The following FSTL4 variants were observed in gnomAD, a reference collection of about 807,000 sequenced individuals.
FSTL4 encodes the protein follistatin-related protein 4.
FSTL4 carries 28 observed loss-of-function variants against 78.2 expected under a neutral mutation model. The ratio of observed to expected loss-of-function variants is 0.36; its 90% CI spans 0.27 to 0.49. The LOEUF is 0.49. Among genes scored for constraint, FSTL4 ranks in the 20% least tolerant of loss-of-function variants. FSTL4 has a pLI of 0.98. For missense variants in FSTL4, 922 were observed against 1,084.9 expected (o/e 0.85, Z 2.11); for synonymous variants, 422 against 440.5 (o/e 0.96, Z 0.53).
chr5:133,674,220 T>A, the FSTL4 span, among the ~76,000 whole-genome samples: 1 of 152,188 alleles, frequency 6.6e-6, no homozygotes, highest in Non-Finnish European at 1.5e-5. Flanking sequence ...TCATTCCCAA[T>A]GATCTGGGTG....
intron 4 of FSTL4, among the ~76,000 whole-genome samples, chr5:133,369,782 ACTG>A (rs1755252408): frequency 6.6e-6 from 1 of 152,156 alleles, no homozygotes; most frequent in Admixed American, 6.5e-5. Context: ...CATTTGATTT[ACTG>A]GGTGGGTTCT....
chr5:133,770,200 G>GT, the FSTL4 span, among the ~76,000 whole-genome samples: 2 of 152,090 alleles, frequency 1.3e-5, no homozygotes, highest in African/African-American at 4.8e-5. Context: ...AAACATATGA[G>GT]TGCAGGTATC....
chr5:133,235,499 C>CAAAAAAAA (rs71581361), intron 7 of FSTL4, among the ~76,000 whole-genome samples: 1 of 97,552 alleles, frequency 1.0e-5, no homozygotes, highest in Non-Finnish European at 2.2e-5. Context: ...ACCCCACCTC[C>CAAAAAAAA]AAAAAAAAAA....
chr5:133,425,799 T>A (rs1373679255), intron 3 of FSTL4, among the ~76,000 whole-genome samples: 1 of 152,252 alleles, frequency 6.6e-6, no homozygotes, highest in East Asian at 1.9e-4. Context: ...TCAAAGCTTA[T>A]GATCCAGTTT....
chr5:133,204,899 C>CT (rs1008544108), intron 14 of FSTL4, among the ~76,000 whole-genome samples: 2 of 151,372 alleles, frequency 1.3e-5, no homozygotes, highest in African/African-American at 4.9e-5. Flanking sequence ...ACCACAAAGA[C>CT]TATGCCAGTT....
chr5:133,563,208 G>A (rs539603907), intron 3 of FSTL4, among the ~76,000 whole-genome samples: 2 of 152,222 alleles, frequency 1.3e-5, no homozygotes, highest in South Asian at 4.2e-4. Context: ...TATCAGTCTC[G>A]TAGTCCTGCC....
the FSTL4 span, among the ~76,000 whole-genome samples, chr5:133,775,377 A>G: frequency 6.6e-6 from 1 of 152,234 alleles, no homozygotes; most frequent in Admixed American, 6.5e-5. Context: ...ACCAAACACC[A>G]GATCATGGGA....
chr5:133,486,205 C>A (rs1053645025), intron 3 of FSTL4, among the ~76,000 whole-genome samples: 1 of 151,818 alleles, frequency 6.6e-6, no homozygotes, highest in African/African-American at 2.4e-5. Context: ...GAGACTGACA[C>A]ACACAGACAC....
At chr5:133,331,205 C>A (rs909258494) in intron 4 of FSTL4, among the ~76,000 whole-genome samples, 2 of 152,206 alleles carry the variant, frequency 1.3e-5, no homozygotes, top group Admixed American at 6.5e-5. Context: ...TCCCAAGACA[C>A]CCCCAGGCAG....
At chr5:133,224,054 G>A in intron 11 of FSTL4, 136 bp downstream of exon 11, 1 of 618,504 alleles carries the variant, frequency 1.6e-6, no homozygotes, top group African/African-American at 1.8e-5. Flanking sequence ...TATGCCACTT[G>A]AATTTGACAT....
At chr5:133,263,581 C>T (rs570576391) in intron 6 of FSTL4, among the ~76,000 whole-genome samples, 4 of 152,048 alleles carry the variant, frequency 2.6e-5, no homozygotes, top group Non-Finnish European at 1.5e-5. Context: ...TCTAATGTTT[C>T]GTTAGAGCAC....
intron 6 of FSTL4, among the ~76,000 whole-genome samples, chr5:133,265,525 G>GGGGCA (rs1469668124): frequency 1.3e-5 from 2 of 152,224 alleles, no homozygotes; most frequent in Non-Finnish European, 2.9e-5. Flanking sequence ...TGGGGCCTCT[G>GGGGCA]GGGCAGGGGT....
intron 6 of FSTL4, among the ~76,000 whole-genome samples, chr5:133,294,963 G>A (rs904065567): frequency 1.3e-5 from 2 of 152,086 alleles, no homozygotes; most frequent in African/African-American, 2.4e-5. Flanking sequence ...GCTTATACCC[G>A]GGTAGCTGAA....
intron 3 of FSTL4, among the ~76,000 whole-genome samples, chr5:133,539,639 C>T (rs777257754): frequency 3.4e-4 from 51 of 152,128 alleles, no homozygotes; most frequent in African/African-American, 1.2e-3. Flanking sequence ...CGGTCGACTC[C>T]AGGAATAATT....
At chr5:133,638,512 C>A in the FSTL4 span, among the ~76,000 whole-genome samples, 2 of 152,150 alleles carry the variant, frequency 1.3e-5, no homozygotes, top group Non-Finnish European at 2.9e-5. Flanking sequence ...CCAGGATACT[C>A]CAGGCATGCT....
chr5:133,383,405 G>C (rs568994726), intron 4 of FSTL4, among the ~76,000 whole-genome samples: 1 of 152,348 alleles, frequency 6.6e-6, no homozygotes, highest in South Asian at 2.1e-4. Context: ...GGTGGTGCTA[G>C]GGTCGGGGGA....
intron 4 of FSTL4, among the ~76,000 whole-genome samples, chr5:133,382,207 G>A (rs528606848): frequency 5.3e-5 from 8 of 152,292 alleles, no homozygotes; most frequent in African/African-American, 1.9e-4. Flanking sequence ...CTGGTTCTCA[G>A]ATGCCTGGCC....
At chr5:133,817,712 GC>G in the FSTL4 span, among the ~76,000 whole-genome samples, 3 of 152,204 alleles carry the variant, frequency 2.0e-5, no homozygotes, top group African/African-American at 7.2e-5. Flanking sequence ...TTGGCAGGGA[GC>G]CACCTGGAAA....
In FSTL4 at chr5:133,393,449, G is replaced by A. The variant is rs576345436; in HGVS notation, c.409+7289C>T. ...CAACAGATGTCTGTGAAGGTGAGTG[G>A]CTTGGCAGAAAACAGCCAAACCCTC... is the stretch of plus-strand genomic sequence containing the variant. On this transcript the variant is annotated intron_variant, in intron 4 of 15. Coordinates refer to ENST00000265342, the MANE Select transcript of FSTL4 (RefSeq NM_015082.2). Among the ~76,000 whole-genome samples the A allele has an allele frequency of 2.6e-5, 4 of 152,350 alleles. No homozygotes were observed. In the East Asian group the frequency reaches 5.8e-4, roughly 22 times the overall value.
Sources: allele counts gnomAD v4.1 joint callset (sites outside exome capture counted in the v4.1 genomes callset), GRCh38; gene constraint gnomAD v4.1.1; transcripts MANE v1.5; gene names NCBI Gene and HGNC (gene_info 2026-07-23, HGNC 2026-07-21).